The following MANEA variants were observed in gnomAD, a reference collection of about 807,000 sequenced individuals.
MANEA encodes the protein glycoprotein endo-alpha-1,2-mannosidase.
Under a neutral mutation model 36.8 loss-of-function variants are expected in MANEA, and 25 were observed. The ratio of observed to expected loss-of-function variants is 0.68; its 90% CI spans 0.50 to 0.95. The LOEUF (loss-of-function observed/expected upper bound fraction) is 0.95. Ranked by LOEUF, MANEA falls within the 40% of genes least tolerant of loss-of-function variation. MANEA has a pLI of 0.00. For missense variants in MANEA, 565 were observed against 558.8 expected, an observed-to-expected ratio of 1.01 and a Z score of -0.11; for synonymous variants, 198 against 188.5, an observed-to-expected ratio of 1.05 and a Z score of -0.41.
chr6:95,585,034 A>G (rs1033466988), intron 1 of MANEA, among the ~76,000 whole-genome samples: 4 of 152,190 alleles, frequency 2.6e-5, no homozygotes, highest in Admixed American at 6.5e-5. Flanking sequence ...AAAGCAGTCA[A>G]TGTCAGCATT....
chr6:95,586,347 A>G (rs1769280406), intron 1 of MANEA, 55 bp from the exon 2 acceptor site: 1 of 1,012,014 alleles, frequency 9.9e-7, no homozygotes, highest in East Asian at 2.4e-5. Context: ...TGTTGAATAT[A>G]TTGGAAAATA....
At chr6:95,604,628 GATA>G (rs913911070) in intron 3 of MANEA, among the ~76,000 whole-genome samples, 196 bp from the exon 4 acceptor site, 1 of 151,890 alleles carries the variant, frequency 6.6e-6, no homozygotes, top group African/African-American at 2.4e-5. Flanking sequence ...GATTAACCAA[GATA>G]ATAATATAAA....
chr6:95,604,372 A>G (rs942915223), intron 3 of MANEA, among the ~76,000 whole-genome samples: 2 of 151,946 alleles, frequency 1.3e-5, no homozygotes, highest in Non-Finnish European at 2.9e-5. Flanking sequence ...AGAAACATAT[A>G]TCTGAATATA....
chr6:95,598,774 A>T lies in MANEA; in HGVS notation c.654+1928A>T, dbSNP rs542674490. Among the ~76,000 whole-genome samples, 3 of 152,260 alleles carry T rather than the reference A, an allele frequency of 2.0e-5. No homozygotes were observed. In the South Asian group the frequency reaches 6.2e-4, roughly 32 times the overall value. On this transcript the variant is annotated intron_variant, in intron 3 of 4. Coordinates refer to ENST00000358812, the MANE Select transcript of MANEA (RefSeq NM_024641.4). ...TTCCACAATAGCACAATTTTTATTT[A>T]AAACTAAGAAAGGATAGAACAAGAA...
Position 95,606,811 on chromosome 6 carries a change from GA to G in MANEA, c.*410del, listed in dbSNP as rs1769724006. 1 of 152,410 alleles carries G rather than the reference GA, an allele frequency of 6.6e-6. No individual in the cohort carries two copies. The highest frequency in any genetic ancestry group is 2.1e-4 in the South Asian group (1 of 4,848). 9.4% of individuals were successfully genotyped at this position (152,410 alleles called of 1,614,324 possible). A position where few individuals can be genotyped will look rare whatever the true frequency, so the allele number is the denominator to read the frequency against. ...TTGGGATATCTATTGAAGAAAAAAA[GA>G]AAACCCCTTAAAGATAATGTACATG... is the stretch of plus-strand genomic sequence containing the variant. On this transcript the variant is annotated 3_prime_UTR_variant, in exon 5 of 5. Coordinates refer to ENST00000358812, the MANE Select transcript of MANEA (RefSeq NM_024641.4).
Position 95,586,538 on chromosome 6 carries a change from A to C in MANEA, c.99A>C (p.Thr33=), listed in dbSNP as rs763607681. The C allele has an allele frequency of 1.9e-6, 3 of 1,614,028 alleles. No individual in the cohort carries two copies. The South Asian group carries it at 3.3e-5, about 18-fold the overall frequency. Residue 33 remains threonine (T), a synonymous_variant, in exon 2 of 5, where the codon ACA becomes ACC. Transcript: ENST00000358812. ...GTTTAAAAATGCTGAGACCAAATAC[A>C]GCTACTTTTGGAGCTCCTTTTGGAC... ...MMGLKMLRPN[T]ATFGAPFGLD...
Position 95,607,373 on chromosome 6 carries a change from T to C in MANEA, c.*968T>C, listed in dbSNP as rs1032399501. The C allele has an allele frequency of 1.3e-5, 2 of 152,118 alleles. No individual in the cohort carries two copies. Among genetic ancestry groups the C allele is most frequent in the Non-Finnish European group, 2.9e-5 (2 of 67,960 alleles). The allele number at this position is 152,118 out of a possible 1,614,324, so 9.4% of individuals were successfully genotyped here. ...TATTTTTTAGGAAAGAAAAATGTTA[T>C]TACTGTCATTAGGTTGTCTTTTAAT... On this transcript the variant is annotated 3_prime_UTR_variant, in exon 5 of 5. Transcript: ENST00000358812.
chr6:95,590,490 A>G (rs1291452767), intron 2 of MANEA, among the ~76,000 whole-genome samples: 1 of 152,194 alleles, frequency 6.6e-6, no homozygotes, highest in Non-Finnish European at 1.5e-5. Flanking sequence ...TAAGGTTACA[A>G]TTCTTACTTC....
chr6:95,590,153 C>G (rs1362270271), intron 2 of MANEA: 1 of 152,150 alleles, frequency 6.6e-6, no homozygotes, highest in African/African-American at 2.4e-5. Context: ...TGTCAACACT[C>G]CTGACATGCA....
chr6:95,588,599 C>CA (rs1206476117), intron 2 of MANEA, among the ~76,000 whole-genome samples: 2 of 151,600 alleles, frequency 1.3e-5, no homozygotes, highest in Admixed American at 6.6e-5. Context: ...CTATTGTTTA[C>CA]AAAAAATTTG....
chr6:95,580,975 T>A (rs1769168459), intron 1 of MANEA, among the ~76,000 whole-genome samples: 1 of 152,188 alleles, frequency 6.6e-6, no homozygotes. Flanking sequence ...AAACAATTGC[T>A]CATTTATTTA....
chr6:95,586,238 A>G (rs1050359219), intron 1 of MANEA, among the ~76,000 whole-genome samples, 164 bp from the exon 2 acceptor site: 1 of 152,216 alleles, frequency 6.6e-6, no homozygotes, highest in Non-Finnish European at 1.5e-5. Context: ...TTTATATATG[A>G]TGATATAATT....
At chr6:95,593,014 G>T (rs1388823957) in intron 2 of MANEA, among the ~76,000 whole-genome samples, 1 of 152,158 alleles carries the variant, frequency 6.6e-6, no homozygotes, top group Non-Finnish European at 1.5e-5. Flanking sequence ...ATGAGTTTTT[G>T]CATTTAGTTT....
intron 2 of MANEA, 186 bp downstream of exon 2, chr6:95,587,169 T>C (rs1769304915): frequency 2.0e-6 from 1 of 499,252 alleles, no homozygotes; most frequent in Non-Finnish European, 3.6e-6. Context: ...CTGCCCTTAG[T>C]GTATATTGTT....
At chr6:95,599,071 CAT>C (rs895286498) in intron 3 of MANEA, among the ~76,000 whole-genome samples, 1 of 152,076 alleles carries the variant, frequency 6.6e-6, no homozygotes, top group African/African-American at 2.4e-5. Context: ...ATATGTAAAA[CAT>C]AGATTGCTGT....
At chr6:95,599,094 G>T (rs1712066072) in intron 3 of MANEA, among the ~76,000 whole-genome samples, 1 of 152,118 alleles carries the variant, frequency 6.6e-6, no homozygotes, top group South Asian at 2.1e-4. Flanking sequence ...CTGGCACAGA[G>T]TAAGCACTAA....
At chr6:95,588,019 G>C (rs181455265) in intron 2 of MANEA, among the ~76,000 whole-genome samples, 2 of 151,772 alleles carry the variant, frequency 1.3e-5, no homozygotes, top group Admixed American at 1.3e-4. Context: ...TGTTCCCACC[G>C]CTTCTCACCT....
chr6:95,589,525 A>G lies in MANEA; in HGVS notation c.544+2542A>G, dbSNP rs368727178. 2.0e-4 allele frequency among the ~76,000 whole-genome samples: 31 copies of G among 152,306 alleles called. 2 individuals are homozygous for G. The South Asian group carries it at 6.4e-3, about 32-fold the overall frequency. On this transcript the variant is annotated intron_variant, in intron 2 of 4. Coordinates refer to ENST00000358812, the MANE Select transcript of MANEA (RefSeq NM_024641.4). ...TTCATTGAAAAGAATGATAAAATTAAAATGAACTATTAATGTTATGTTTAA... is the reference window on the plus strand; with the variant it reads ...TTCATTGAAAAGAATGATAAAATTAGAATGAACTATTAATGTTATGTTTAA...
rs1769708614 is a variant in MANEA, at chr6:95,606,191, C to G, written c.1175C>G (p.Thr392Arg). The G allele has an allele frequency of 6.2e-7, 1 of 1,614,040 alleles. No homozygotes were observed. The highest frequency in any genetic ancestry group is 8.5e-7 in the Non-Finnish European group (1 of 1,179,962). Residue 392 changes from threonine to arginine, a missense_variant, in exon 5 of 5, where the codon ACA becomes AGA. Coordinates refer to ENST00000358812, the MANE Select transcript of MANEA (RefSeq NM_024641.4). Reference protein sequence around the residue: ...YEIGLSAALQTRPSLISITSF... With the variant: ...YEIGLSAALQRRPSLISITSF... The stretch of plus-strand genomic sequence containing the variant: ...ATTGGTCTGAGTGCCGCACTTCAGA[C>G]ACGCCCCAGCTTAATTTCTATCACC...
Sources: gnomAD v4.1 joint callset for allele counts (sites outside exome capture counted in the v4.1 genomes callset) on GRCh38, gnomAD v4.1.1 for gene constraint, MANE v1.5 for transcripts, NCBI Gene and HGNC (gene_info 2026-07-23, HGNC 2026-07-21) for gene names.